The following AUTS2 variants were observed in gnomAD, a reference collection of about 807,000 sequenced individuals.
The protein encoded by AUTS2 is autism susceptibility gene 2 protein.
AUTS2 carries 17 observed loss-of-function variants against 112.4 expected under a neutral mutation model. The ratio of observed to expected loss-of-function variants is 0.15; its 90% CI spans 0.10 to 0.23. AUTS2 has a LOEUF of 0.23. Among genes scored for constraint, AUTS2 ranks in the 10% least tolerant of loss-of-function variants. AUTS2 has a pLI of 1.00. For synonymous variants in AUTS2, 751 were observed against 702.7 expected, an observed-to-expected ratio of 1.07 and a Z score of -1.09; for missense variants, 1,510 against 1,701.6, an observed-to-expected ratio of 0.89 and a Z score of 1.98.
chr7:69,910,803 T>A lies in AUTS2; in HGVS notation c.522+11305T>A, dbSNP rs112758039. On this transcript the variant is annotated intron_variant, in intron 2 of 18. Transcript: ENST00000342771. ...CCACCACGCCCAGCGAATTTTTGTA[T>A]TTTTAGTAGAGGCAGGGTTTCACTT... 4.8e-3 allele frequency among the ~76,000 whole-genome samples: 727 copies of A among 152,134 alleles called. 8 individuals carry two copies. The highest frequency in any genetic ancestry group is 0.016 in the African/African-American group (684 of 41,482).
rs1360975607 is a variant in AUTS2 at position 69,930,961 on chromosome 7, A to T, written c.522+31463A>T. Among the ~76,000 whole-genome samples the T allele has an allele frequency of 1.3e-5, 2 of 152,160 alleles. 1 individual carries two copies. Among genetic ancestry groups the T allele is most frequent in the African/African-American group, 4.8e-5 (2 of 41,444 alleles). On this transcript the variant is annotated intron_variant, in intron 2 of 18. Coordinates refer to ENST00000342771, the MANE Select transcript of AUTS2 (RefSeq NM_015570.4). Reference sequence around the variant, plus strand: ...TCAGGGAATATTTCTTATACATCTTAATTCAGTGTAAAATTTGCATGTTTT... The same window carrying T: ...TCAGGGAATATTTCTTATACATCTTTATTCAGTGTAAAATTTGCATGTTTT...
chr7:70,787,150 A>G (rs1295501788), intron 17 of AUTS2, 59 bp from the exon 18 acceptor site: 1 of 1,536,120 alleles, frequency 6.5e-7, no homozygotes, highest in Non-Finnish European at 8.9e-7. Flanking sequence ...AAGTACCTTC[A>G]TTACAGCAGA....
At chr7:70,291,184 G>A (rs984482639) in intron 4 of AUTS2, 1 of 152,132 alleles carries the variant, frequency 6.6e-6, no homozygotes, top group Non-Finnish European at 1.5e-5. Context: ...CGTACTTGGC[G>A]TGGCCTGCTT....
intron 1 of AUTS2, among the ~76,000 whole-genome samples, chr7:69,704,571 TA>T (rs1442755970): frequency 6.6e-6 from 1 of 152,176 alleles, no homozygotes; most frequent in Non-Finnish European, 1.5e-5. Context: ...ACCCGGCCTC[TA>T]AAATACCATT....
chr7:70,010,397 C>T (rs149927423), intron 2 of AUTS2, among the ~76,000 whole-genome samples: 40 of 152,296 alleles, frequency 2.6e-4, no homozygotes, highest in African/African-American at 8.9e-4. Context: ...CCTCCTGCTT[C>T]GGCCTCCCAA....
intron 5 of AUTS2, among the ~76,000 whole-genome samples, chr7:70,644,997 G>A (rs910966711): frequency 6.6e-6 from 1 of 152,182 alleles, no homozygotes; most frequent in Non-Finnish European, 1.5e-5. Context: ...AAAGGCCATG[G>A]CCTAAAATGG....
At chr7:69,849,002 C>T (rs950348242) in intron 1 of AUTS2, among the ~76,000 whole-genome samples, 3 of 152,092 alleles carry the variant, frequency 2.0e-5, no homozygotes, top group Non-Finnish European at 2.9e-5. Context: ...GGCAACACTG[C>T]AAGACCCTGA....
chr7:70,496,320 T>A (rs1261415184), intron 5 of AUTS2, among the ~76,000 whole-genome samples: 10 of 58,786 alleles, frequency 1.7e-4, no homozygotes, highest in Non-Finnish European at 2.2e-4. Flanking sequence ...ACGTACACAG[T>A]CACACACACG....
At chr7:70,331,585 A>G (rs1355938154) in intron 4 of AUTS2, among the ~76,000 whole-genome samples, 1 of 151,476 alleles carries the variant, frequency 6.6e-6, no homozygotes, top group Non-Finnish European at 1.5e-5. Flanking sequence ...TATACTGGCA[A>G]ACCAAATCCA....
chr7:70,482,279 A>C (rs917667581), intron 5 of AUTS2, among the ~76,000 whole-genome samples: 1 of 151,742 alleles, frequency 6.6e-6, no homozygotes, highest in African/African-American at 2.4e-5. Context: ...CCTACTCCCC[A>C]CCTCTGGGGC....
chr7:70,205,501 G>A (rs1339091167), intron 4 of AUTS2, among the ~76,000 whole-genome samples: 1 of 152,110 alleles, frequency 6.6e-6, no homozygotes, highest in Non-Finnish European at 1.5e-5. Flanking sequence ...GTACTTTTCT[G>A]TATTTAGACA....
chr7:70,237,519 T>C lies in AUTS2; in HGVS notation c.660+102948T>C, dbSNP rs181242911. On this transcript the variant is annotated intron_variant, in intron 4 of 18. Transcript: ENST00000342771. Reference sequence around the variant, plus strand: ...GTCCAAAGTGTAATATTTAATTGCATTTTCTTAATCTTTACCACTGTATTG... The same window carrying C: ...GTCCAAAGTGTAATATTTAATTGCACTTTCTTAATCTTTACCACTGTATTG... Among the ~76,000 whole-genome samples the C allele has an allele frequency of 1.2e-4, 19 of 152,352 alleles. No homozygotes were observed. In the East Asian group the frequency reaches 3.5e-3, roughly 28 times the overall value.
At chr7:70,117,369 C>T (rs1805437488) in intron 2 of AUTS2, among the ~76,000 whole-genome samples, 1 of 151,804 alleles carries the variant, frequency 6.6e-6, no homozygotes, top group South Asian at 2.1e-4. Context: ...ATCATTTTTT[C>T]CTAGGAGAAG....
At chr7:69,983,049 G>A (rs936876238) in intron 2 of AUTS2, among the ~76,000 whole-genome samples, 2 of 152,116 alleles carry the variant, frequency 1.3e-5, no homozygotes, top group African/African-American at 2.4e-5. Flanking sequence ...TTACCCTACC[G>A]GAAACTAATG....
chr7:69,713,829 C>T (rs974651585), intron 1 of AUTS2, among the ~76,000 whole-genome samples: 6 of 152,052 alleles, frequency 3.9e-5, no homozygotes, highest in Admixed American at 6.5e-5. Context: ...TAATATTCTT[C>T]CAGCCTGTGG....
At chr7:69,964,980 TC>T (rs1159155950) in intron 2 of AUTS2, among the ~76,000 whole-genome samples, 1 of 151,962 alleles carries the variant, frequency 6.6e-6, no homozygotes, top group Non-Finnish European at 1.5e-5. Flanking sequence ...TACCCCCAGT[TC>T]CCTGAAGCTC....
chr7:69,670,543 T>C lies in AUTS2; in HGVS notation c.309+70581T>C, dbSNP rs554701120. Among the ~76,000 whole-genome samples, 9 of 129,172 alleles carry C rather than the reference T, an allele frequency of 7.0e-5. No individual in the cohort carries two copies. The South Asian group carries it at 2.1e-3, about 30-fold the overall frequency. The allele number at this position is 129,172 out of a possible 152,430, so 84.7% of individuals were successfully genotyped here. On this transcript the variant is annotated intron_variant, in intron 1 of 18. Coordinates refer to ENST00000342771, the MANE Select transcript of AUTS2 (RefSeq NM_015570.4). ...AACCATTAGTAACATGGTTGTTTTT[T>C]ACTTGATCCCTCAAAAAAAAAAAAA... is the stretch of plus-strand genomic sequence containing the variant.
At chr7:70,532,348 C>G (rs1290856145) in intron 5 of AUTS2, among the ~76,000 whole-genome samples, 1 of 152,182 alleles carries the variant, frequency 6.6e-6, no homozygotes, top group Non-Finnish European at 1.5e-5. Flanking sequence ...AGGTTTCCTT[C>G]TCTTCATAAT....
rs540973022 is a variant in AUTS2, at chr7:69,681,659, C to T, written c.309+81697C>T. Among the ~76,000 whole-genome samples the T allele has an allele frequency of 1.4e-3, 208 of 152,314 alleles. 2 individuals are homozygous for T. Among genetic ancestry groups the T allele is most frequent in the African/African-American group, 4.9e-3 (203 of 41,572 alleles). On this transcript the variant is annotated intron_variant, in intron 1 of 18. Transcript: ENST00000342771. ...CCACTCTGTTCCCTGCCATTGTCAT[C>T]TGTAGATGAGGTGGTTATGCTTCTC...
Sources: gnomAD v4.1 joint callset for allele counts (sites outside exome capture counted in the v4.1 genomes callset) on GRCh38, gnomAD v4.1.1 for gene constraint, MANE v1.5 for transcripts, NCBI Gene and HGNC (gene_info 2026-07-23, HGNC 2026-07-21) for gene names.